Variants in CEP128 observed in about 807,000 individuals in gnomAD.
CEP128 encodes the protein centrosomal protein 128, also known as centrosomal protein 128kDa.
CEP128 carries 132 observed loss-of-function variants against 156.7 expected under a neutral mutation model. The ratio of observed to expected loss-of-function variants is 0.84; its 90% confidence interval spans 0.73 to 0.97. The LOEUF (loss-of-function observed/expected upper bound fraction) is 0.97, where lower values mean the gene tolerates loss of function less well. Among genes scored for constraint, CEP128 ranks in the 50% least tolerant of loss-of-function variants. The pLI, the probability that CEP128 is intolerant of heterozygous loss-of-function variation, is 0.00. For missense variants in CEP128, 1,252 were observed against 1,281.9 expected (o/e 0.98, Z 0.36); for synonymous variants, 469 against 448.9 (o/e 1.04, Z -0.57).
At chr14:80,742,616 C>T (rs1202621881) in intron 19 of CEP128, 2 of 155,942 alleles carry the variant, frequency 1.3e-5, no homozygotes, top group Admixed American at 1.3e-4. Context: ...TATAATGTAT[C>T]TATTTGTAAT....
intron 19 of CEP128, among the ~76,000 whole-genome samples, chr14:80,645,428 A>C (rs1269505103): frequency 1.3e-5 from 2 of 152,168 alleles, no homozygotes; most frequent in African/African-American, 2.4e-5. Context: ...AGTCTAAGTG[A>C]ATGGTAAAAA....
intron 19 of CEP128, among the ~76,000 whole-genome samples, chr14:80,742,031 A>T (rs1370208221): frequency 2.0e-5 from 3 of 152,144 alleles, no homozygotes; most frequent in Non-Finnish European, 4.4e-5. Context: ...TTTTACCAAG[A>T]GCATGTTGCT....
intron 13 of CEP128, among the ~76,000 whole-genome samples, chr14:80,829,030 C>T (rs889343914): frequency 6.6e-6 from 1 of 152,174 alleles, no homozygotes; most frequent in Non-Finnish European, 1.5e-5. Context: ...GACCTAATAT[C>T]TCACAAAGTC....
chr14:80,768,667 G>C (rs1011511361), intron 16 of CEP128, among the ~76,000 whole-genome samples: 4 of 152,194 alleles, frequency 2.6e-5, no homozygotes, highest in African/African-American at 9.6e-5. Flanking sequence ...TTTAAGATTT[G>C]ATGCAGGTTA....
chr14:80,816,029 A>G (rs1884835288), intron 13 of CEP128, among the ~76,000 whole-genome samples: 1 of 152,176 alleles, frequency 6.6e-6, no homozygotes, highest in Non-Finnish European at 1.5e-5. Flanking sequence ...GCAACACAAA[A>G]AAAAAACCCA....
At position 80,619,367 on chromosome 14, in the gene CEP128, GACACACACAC is replaced by G. The variant is rs34190837; in HGVS notation, c.2807-38954_2807-38945del. Reference sequence around the variant, plus strand: ...GTTTTAAATGATTTAAAGACACACAGACACACACACACACACACACACACACACACACACA... The same window carrying G: ...GTTTTAAATGATTTAAAGACACACAGACACACACACACACACACACACACA... On this transcript the variant is annotated intron_variant, in intron 19 of 24. Coordinates refer to ENST00000555265, the MANE Select transcript of CEP128 (RefSeq NM_152446.5). Among the ~76,000 whole-genome samples the G allele has an allele frequency of 9.7e-4, 135 of 139,472 alleles. 1 individual carries two copies. The South Asian group carries it at 0.016, about 16-fold the overall frequency. The allele number at this position is 139,472 out of a possible 152,430, so 91.5% of individuals were successfully genotyped here. A position where few individuals can be genotyped will look rare whatever the true frequency, so the allele number is the denominator to read the frequency against.
intron 6 of CEP128, among the ~76,000 whole-genome samples, chr14:80,904,080 A>C (rs1037395567): frequency 3.3e-5 from 5 of 152,210 alleles, no homozygotes; most frequent in African/African-American, 1.2e-4. Flanking sequence ...CAAGATCGGC[A>C]AACAACCTAA....
intron 19 of CEP128, among the ~76,000 whole-genome samples, chr14:80,662,853 G>A (rs575136890): frequency 1.3e-5 from 2 of 152,246 alleles, no homozygotes; most frequent in East Asian, 3.9e-4. Flanking sequence ...CTATATCTGA[G>A]CTGTCAAATA....
intron 21 of CEP128, among the ~76,000 whole-genome samples, chr14:80,550,775 A>C (rs1890178275): frequency 6.7e-6 from 1 of 150,268 alleles, no homozygotes; most frequent in Non-Finnish European, 1.5e-5. Flanking sequence ...TATTAGGTAT[A>C]TTATAAATTT....
chr14:80,795,003 A>G (rs985995779), intron 13 of CEP128, among the ~76,000 whole-genome samples: 8 of 152,200 alleles, frequency 5.3e-5, no homozygotes, highest in Admixed American at 2.0e-4. Context: ...CAAATCTAAA[A>G]TGAGACAATA....
intron 23 of CEP128, among the ~76,000 whole-genome samples, chr14:80,525,310 C>A (rs1481403058): frequency 6.6e-6 from 1 of 152,186 alleles, no homozygotes; most frequent in Non-Finnish European, 1.5e-5. Flanking sequence ...GCCAGGCAGA[C>A]TTAGGTTTTC....
rs375509515 is a variant in CEP128 at position 80,916,513 on chromosome 14, C to T, written c.35G>A (p.Arg12His). Residue 12 changes from arginine (R) to histidine (H), a missense_variant, in exon 3 of 25, where the codon CGC (arginine) becomes CAC (histidine). By Grantham distance (29) the Arg-to-His change is conservative (BLOSUM62 0). Coordinates refer to ENST00000555265, the MANE Select transcript of CEP128 (RefSeq NM_152446.5). Reference sequence around the variant, plus strand: ...CCATGGACTCAATCGGTCACGACAGCGGAAGTGATCTGATTCGCTGGATGA... The same window carrying T: ...CCATGGACTCAATCGGTCACGACAGTGGAAGTGATCTGATTCGCTGGATGA... Reference protein sequence around the residue: ...AESSSESDHFRCRDRLSPWAA... With the variant: ...AESSSESDHFHCRDRLSPWAA... The T allele has an allele frequency of 1.1e-5, 18 of 1,613,706 alleles. No homozygotes were observed. Among genetic ancestry groups the T allele is most frequent in the African/African-American group, 6.7e-5 (5 of 74,872 alleles).
intron 13 of CEP128, among the ~76,000 whole-genome samples, chr14:80,808,590 C>A (rs975954951): frequency 6.6e-6 from 1 of 152,084 alleles, no homozygotes; most frequent in African/African-American, 2.4e-5. Context: ...TATGAAGACC[C>A]AAAATCTGCC....
intron 19 of CEP128, among the ~76,000 whole-genome samples, chr14:80,740,545 GAC>G (rs1898775757): frequency 2.0e-5 from 2 of 98,590 alleles, no homozygotes; most frequent in Non-Finnish European, 4.9e-5. Flanking sequence ...TAGATAGATA[GAC>G]AGACAGATAG....
intron 20 of CEP128, 100 bp from the exon 21 acceptor site, chr14:80,559,402 A>T: frequency 2.2e-6 from 2 of 927,634 alleles, no homozygotes; most frequent in Non-Finnish European, 3.2e-6. Context: ...TCTATTATTA[A>T]TAATTCATTT....
At chr14:80,622,081 C>T (rs1294303296) in intron 19 of CEP128, among the ~76,000 whole-genome samples, 1 of 152,068 alleles carries the variant, frequency 6.6e-6, no homozygotes, top group African/African-American at 2.4e-5. Flanking sequence ...AGAATTGAAG[C>T]AGACAGGTAT....
intron 20 of CEP128, among the ~76,000 whole-genome samples, chr14:80,559,895 T>TTTTA (rs1749425908): frequency 6.6e-6 from 1 of 152,258 alleles, no homozygotes; most frequent in South Asian, 2.1e-4. Flanking sequence ...AAGGACTGGC[T>TTTTA]TTAAAAGGGG....
rs778326164 is a variant in CEP128, at chr14:80,743,178, T to G, written c.2703A>C (p.Gln901His). The G allele has an allele frequency of 6.2e-7, 1 of 1,613,638 alleles. No homozygotes were observed. The highest frequency in any genetic ancestry group is 1.3e-5 in the African/African-American group (1 of 74,904). The part of the protein sequence containing the change: ...LRHQLMLCRQ[Q>H]LRNLTENKES... ...CCTTGTTTTCAGTCAAATTCCTGAG[T>G]TGTTGTCTGCAGAGCATCAGCTGGT... The change falls in exon 19 of 25, where the codon CAA becomes CAC. Residue 901 changes from glutamine to histidine, a missense_variant. Coordinates refer to ENST00000555265, the MANE Select transcript of CEP128 (RefSeq NM_152446.5).
intron 13 of CEP128, among the ~76,000 whole-genome samples, chr14:80,803,753 A>G (rs1341880788): frequency 6.6e-6 from 1 of 152,208 alleles, no homozygotes; most frequent in African/African-American, 2.4e-5. Context: ...CCCCAAGATA[A>G]GGGACAGGAC....
Sources: allele counts gnomAD v4.1 joint callset (sites outside exome capture counted in the v4.1 genomes callset), GRCh38; gene constraint gnomAD v4.1.1; transcripts MANE v1.5; gene names NCBI Gene and HGNC (gene_info 2026-07-23, HGNC 2026-07-21).